The following PTPRD variants were observed in gnomAD, a reference collection of about 807,000 sequenced individuals.
PTPRD encodes protein tyrosine phosphatase receptor type D, also known as receptor-type tyrosine-protein phosphatase delta.
In PTPRD, 34 loss-of-function variants were observed where a neutral mutation model predicts 214.5. That is an observed-to-expected ratio of 0.16 (90% CI 0.12 to 0.21). The LOEUF is 0.21. Among genes scored for constraint, PTPRD ranks in the 10% least tolerant of loss-of-function variants. The pLI is 1.00. For synonymous variants in PTPRD, 1,128 were observed against 845.7 expected, an observed-to-expected ratio of 1.33 and a Z score of -5.79; for missense variants, 2,545 against 2,398.7, an observed-to-expected ratio of 1.06 and a Z score of -1.27.
chr9:9,268,871 G>C (rs1941468819), intron 9 of PTPRD, among the ~76,000 whole-genome samples: 1 of 149,366 alleles, frequency 6.7e-6, no homozygotes, highest in South Asian at 2.1e-4. Context: ...ACTCAAAATG[G>C]ATTAAAGACA....
At chr9:10,402,436 T>G (rs2098284322) in intron 2 of PTPRD, among the ~76,000 whole-genome samples, 2 of 151,776 alleles carry the variant, frequency 1.3e-5, no homozygotes, top group Admixed American at 6.6e-5. Context: ...GAGCATCAGA[T>G]TATAATTTTA....
chr9:8,670,788 T>G (rs2097267684), intron 12 of PTPRD, among the ~76,000 whole-genome samples: 1 of 152,162 alleles, frequency 6.6e-6, no homozygotes, highest in South Asian at 2.1e-4. Context: ...GGGGTGTGGA[T>G]GACCACTGGG....
intron 2 of PTPRD, among the ~76,000 whole-genome samples, chr9:10,439,872 C>A (rs1018634880): frequency 2.0e-5 from 3 of 151,524 alleles, no homozygotes; most frequent in African/African-American, 7.3e-5. Flanking sequence ...TTACACTGTA[C>A]TGTTTATTTT....
chr9:9,950,495 C>T (rs1425046933), intron 4 of PTPRD, among the ~76,000 whole-genome samples: 1 of 34,722 alleles, frequency 2.9e-5, no homozygotes, highest in Non-Finnish European at 4.1e-5. Flanking sequence ...GAGGCCGAGG[C>T]GGGCGGATCA....
At chr9:9,344,176 A>G (rs1328819365) in intron 9 of PTPRD, among the ~76,000 whole-genome samples, 1 of 152,164 alleles carries the variant, frequency 6.6e-6, no homozygotes, top group African/African-American at 2.4e-5. Context: ...AGTCCCTTGC[A>G]GGGCCATGGA....
rs1054331707 is a variant in PTPRD, at chr9:9,828,208, T to C, written c.-367-61357A>G. 1.2e-4 allele frequency among the ~76,000 whole-genome samples: 18 copies of C among 152,210 alleles called. No individual in the cohort carries two copies. In the South Asian group the frequency reaches 1.7e-3, roughly 14 times the overall value. On this transcript the variant is annotated intron_variant, in intron 5 of 45. Coordinates refer to ENST00000381196, the MANE Select transcript of PTPRD (RefSeq NM_002839.4). ...TGCTATAAAGACACATACACACGCA[T>C]GTTTATTGTGGCACTATTCACAATA...
At chr9:9,756,017 T>A (rs1195430594) in intron 6 of PTPRD, among the ~76,000 whole-genome samples, 1 of 151,984 alleles carries the variant, frequency 6.6e-6, no homozygotes, top group Non-Finnish European at 1.5e-5. Flanking sequence ...AGCTGTTTTA[T>A]CTCCTTCAAT....
At chr9:10,526,824 G>A (rs546551538) in intron 2 of PTPRD, among the ~76,000 whole-genome samples, 1 of 152,056 alleles carries the variant, frequency 6.6e-6, no homozygotes, top group South Asian at 2.1e-4. Context: ...TGAGAGAATT[G>A]CCAAGCAAAC....
chr9:8,963,711 C>T (rs573555273), intron 11 of PTPRD, among the ~76,000 whole-genome samples: 1 of 152,226 alleles, frequency 6.6e-6, no homozygotes, highest in South Asian at 2.1e-4. Flanking sequence ...CCTCAGCCTC[C>T]TGGGCTCAAG....
chr9:9,749,474 T>A (rs932816403), intron 6 of PTPRD, among the ~76,000 whole-genome samples: 1 of 152,166 alleles, frequency 6.6e-6, no homozygotes, highest in Non-Finnish European at 1.5e-5. Context: ...ATTGATCCCC[T>A]AAACCCTAAG....
intron 8 of PTPRD, among the ~76,000 whole-genome samples, chr9:9,549,963 A>G (rs1257712339): frequency 2.0e-5 from 3 of 152,120 alleles, no homozygotes; most frequent in Non-Finnish European, 4.4e-5. Context: ...CCAATAGATA[A>G]TTGGACTAAT....
At chr9:9,778,383 G>C (rs559669766) in intron 5 of PTPRD, among the ~76,000 whole-genome samples, 2 of 152,290 alleles carry the variant, frequency 1.3e-5, no homozygotes, top group African/African-American at 4.8e-5. Flanking sequence ...CTGGGGAAAA[G>C]GCAGAGACAG....
chr9:9,258,684 G>A (rs562194416), intron 9 of PTPRD, among the ~76,000 whole-genome samples: 1 of 151,798 alleles, frequency 6.6e-6, no homozygotes, highest in Non-Finnish European at 1.5e-5. Context: ...ATACAATGGT[G>A]GAATAACAAC....
intron 28 of PTPRD, 169 bp downstream of exon 28, chr9:8,485,593 C>T: frequency 1.5e-6 from 1 of 689,322 alleles, no homozygotes; most frequent in South Asian, 2.0e-5. Context: ...CATTCTATAA[C>T]TGAAATCTAA....
intron 8 of PTPRD, among the ~76,000 whole-genome samples, chr9:9,406,074 G>A (rs1253618808): frequency 6.6e-6 from 1 of 151,912 alleles, no homozygotes; most frequent in Admixed American, 6.6e-5. Flanking sequence ...ATTTACCTTT[G>A]CACTCTATTT....
At chr9:8,454,913 G>C (rs995069998) in intron 33 of PTPRD, among the ~76,000 whole-genome samples, 1 of 151,962 alleles carries the variant, frequency 6.6e-6, no homozygotes, top group Non-Finnish European at 1.5e-5. Context: ...ATCCCAGGAA[G>C]TGTTCGACAG....
intron 37 of PTPRD, among the ~76,000 whole-genome samples, chr9:8,384,584 A>G (rs1467398296): frequency 6.6e-6 from 1 of 152,048 alleles, no homozygotes; most frequent in Non-Finnish European, 1.5e-5. Context: ...CTGGAGTACA[A>G]TGGTGCAATC....
In PTPRD at chr9:9,477,543, A is replaced by G. The variant is rs138323003; in HGVS notation, c.-236-80061T>C. ...ATTTCCACACATTATTTATTTTACT[A>G]TCCATATCACTGATATGAGGCTGGT... On this transcript the variant is annotated intron_variant, in intron 8 of 45. Coordinates refer to ENST00000381196, the MANE Select transcript of PTPRD (RefSeq NM_002839.4). Among the ~76,000 whole-genome samples the G allele has an allele frequency of 4.5e-3, 687 of 152,304 alleles. 4 individuals carry two copies. Among genetic ancestry groups the G allele is most frequent in the African/African-American group, 5.8e-3 (239 of 41,562 alleles).
At chr9:8,968,882 T>G (rs1470790928) in intron 11 of PTPRD, among the ~76,000 whole-genome samples, 1 of 152,102 alleles carries the variant, frequency 6.6e-6, no homozygotes, top group Admixed American at 6.6e-5. Context: ...GAATTAAAGA[T>G]TTTTATTCAC....
Sources: allele counts gnomAD v4.1 joint callset (sites outside exome capture counted in the v4.1 genomes callset), GRCh38; gene constraint gnomAD v4.1.1; transcripts MANE v1.5; gene names NCBI Gene and HGNC (gene_info 2026-07-23, HGNC 2026-07-21).